Variants in SHPRH observed in about 807,000 individuals in gnomAD.
SHPRH encodes SNF2 histone linker PHD RING helicase, also known as E3 ubiquitin-protein ligase SHPRH.
Under a neutral mutation model 202.5 loss-of-function variants are expected in SHPRH, and 106 were observed. The observed-to-expected ratio is 0.52, with a 90% CI of 0.45 to 0.62. SHPRH has a LOEUF of 0.62. Ranked by LOEUF, SHPRH falls within the 20% of genes least tolerant of loss-of-function variation. The pLI, the probability that SHPRH is intolerant of heterozygous loss-of-function variation, is 0.00. For synonymous variants in SHPRH, 729 were observed against 686.0 expected, an observed-to-expected ratio of 1.06 and a Z score of -0.98; for missense variants, 1,710 against 2,020.0, an observed-to-expected ratio of 0.85 and a Z score of 2.94.
At chr6:145,913,694 A>G (rs1783697500) in intron 23 of SHPRH, 145 bp from the exon 24 acceptor site, 2 of 518,066 alleles carry the variant, frequency 3.9e-6, no homozygotes, top group South Asian at 3.2e-5. Flanking sequence ...CGATCTCTAT[A>G]TTACCTAACA....
At chr6:145,879,583 G>A (rs1448931867) in intron 2 of SHPRH, among the ~76,000 whole-genome samples, 1 of 151,948 alleles carries the variant, frequency 6.6e-6, no homozygotes, top group African/African-American at 2.4e-5. Flanking sequence ...AATCAAAACC[G>A]ATCCTATAGG....
At chr6:145,928,803 A>G (rs911634503) in intron 14 of SHPRH, among the ~76,000 whole-genome samples, 1 of 151,972 alleles carries the variant, frequency 6.6e-6, no homozygotes, top group African/African-American at 2.4e-5. Flanking sequence ...TAAAACACAC[A>G]TTATCAAAGA....
intron 2 of SHPRH, among the ~76,000 whole-genome samples, chr6:145,873,381 A>G (rs964835295): frequency 6.6e-6 from 1 of 152,112 alleles, no homozygotes; most frequent in Non-Finnish European, 1.5e-5. Context: ...AAAAGGATGA[A>G]TGCCATTTAC....
At chr6:145,919,899 A>G (rs1193701872) in intron 21 of SHPRH, among the ~76,000 whole-genome samples, 1 of 152,128 alleles carries the variant, frequency 6.6e-6, no homozygotes. Context: ...GAATAATATG[A>G]ATTCCTTGGA....
chr6:145,909,858 C>T (rs1783331604), intron 25 of SHPRH: 1 of 152,056 alleles, frequency 6.6e-6, no homozygotes, highest in East Asian at 1.9e-4. Context: ...AGCAGTAAAT[C>T]CAATTACAGA....
chr6:145,883,378 G>C (rs1026894707), downstream of SHPRH: 3 of 152,196 alleles, frequency 2.0e-5, no homozygotes, highest in African/African-American at 4.8e-5. Flanking sequence ...CTGAAGACAG[G>C]GGAAGGCTGG....
At chr6:145,919,752 T>C in intron 21 of SHPRH, among the ~76,000 whole-genome samples, 1 of 152,138 alleles carries the variant, frequency 6.6e-6, no homozygotes, top group East Asian at 1.9e-4. Context: ...TAAAGTCCAG[T>C]TTTAGGCTGA....
intron 9 of SHPRH, among the ~76,000 whole-genome samples, chr6:145,942,557 A>C (rs1179229121): frequency 7.9e-5 from 12 of 152,210 alleles, no homozygotes; most frequent in Admixed American, 7.9e-4. Context: ...CATGGAAAGA[A>C]GGAAGAATGA....
Position 145,941,873 on chromosome 6 carries a change from A to G in SHPRH, c.2240T>C (p.Val747Ala), listed in dbSNP as rs201122184. The G allele has an allele frequency of 7.6e-4, 1,231 of 1,613,180 alleles. 2 individuals carry two copies. The highest frequency in any genetic ancestry group is 9.8e-4 in the Non-Finnish European group (1,161 of 1,179,574). Residue 747 changes from valine (V) to alanine (A), a missense_variant and splice_region_variant, in exon 10 of 30, where the codon GTA (valine) becomes GCA (alanine). Val to Ala is a moderately conservative substitution (Grantham distance 64). Coordinates refer to ENST00000275233, the MANE Select transcript of SHPRH (RefSeq NM_001042683.3). Reference protein sequence around the residue: ...HVRSSSLRVLVYQGVKKDGFL... With the variant: ...HVRSSSLRVLAYQGVKKDGFL... ...GCCATCTTTCTTCACTCCTTGATATACCTAGGAAATAATCAATACAGGCAG... is the reference window on the plus strand; with the variant it reads ...GCCATCTTTCTTCACTCCTTGATATGCCTAGGAAATAATCAATACAGGCAG...
chr6:145,938,769 T>C (rs920598159), intron 11 of SHPRH, among the ~76,000 whole-genome samples: 3 of 152,238 alleles, frequency 2.0e-5, no homozygotes, highest in Admixed American at 2.0e-4. Context: ...TAAGTCCGGA[T>C]GTAAACCCCA....
chr6:145,955,621 T>A (rs1474843627), intron 1 of SHPRH, among the ~76,000 whole-genome samples: 1 of 152,134 alleles, frequency 6.6e-6, no homozygotes, highest in Non-Finnish European at 1.5e-5. Flanking sequence ...TAAAATAAAT[T>A]GTAGAAATAC....
At chr6:145,878,020 G>T (rs894236893) in intron 2 of SHPRH, 1 of 152,116 alleles carries the variant, frequency 6.6e-6, no homozygotes, top group Non-Finnish European at 1.5e-5. Flanking sequence ...ACCACCTGAG[G>T]GCTGTGTCAC....
At chr6:145,952,541 A>G (rs1788085891) in intron 2 of SHPRH, 63 bp from the exon 3 acceptor site, 3 of 1,470,298 alleles carry the variant, frequency 2.0e-6, no homozygotes, top group Non-Finnish European at 2.7e-6. Context: ...TTATGAGGAC[A>G]TAAGCAAGAA....
At chr6:145,897,898 C>A (rs1030746368) in intron 25 of SHPRH, among the ~76,000 whole-genome samples, 1 of 152,044 alleles carries the variant, frequency 6.6e-6, no homozygotes, top group African/African-American at 2.4e-5. Context: ...GACAAGCCTA[C>A]CAGATAGCAT....
At chr6:145,944,504 G>A (rs1344430489) in intron 8 of SHPRH, among the ~76,000 whole-genome samples, 3 of 63,088 alleles carry the variant, frequency 4.8e-5, no homozygotes, top group East Asian at 7.4e-4. Context: ...GGCTGAGGTC[G>A]AACAGGGGAG....
At chr6:145,927,368 A>T in intron 14 of SHPRH, 91 bp from the exon 15 acceptor site, 1 of 1,126,824 alleles carries the variant, frequency 8.9e-7, no homozygotes, top group South Asian at 1.5e-5. Flanking sequence ...AATACTGTAA[A>T]AATAAAATGT....
Position 145,927,312 on chromosome 6 carries a change from G to C in SHPRH, c.3113-35C>G, listed in dbSNP as rs774243438. 4.5e-6 allele frequency: 7 copies of C among 1,569,938 alleles called. No individual in the cohort carries two copies. The East Asian group carries it at 1.4e-4, about 30-fold the overall frequency. On this transcript the variant is annotated intron_variant, in intron 14 of 29. Transcript: ENST00000275233. ...TAAAATGTATTTAAAGCATACGAGA[G>C]TCACATATTTAGTTCCCAATGTCAT... is the stretch of plus-strand genomic sequence containing the variant.
intron 3 of SHPRH, among the ~76,000 whole-genome samples, chr6:145,951,151 T>C (rs867605735): frequency 8.5e-5 from 13 of 152,096 alleles, no homozygotes; most frequent in Admixed American, 5.9e-4. Flanking sequence ...GTGGGCACAA[T>C]TGTTCTGTGG....
chr6:145,920,260 T>C (rs1383304175), intron 21 of SHPRH, among the ~76,000 whole-genome samples: 1 of 152,080 alleles, frequency 6.6e-6, no homozygotes, highest in Non-Finnish European at 1.5e-5. Flanking sequence ...AACTGCACAG[T>C]AAGCTCTCTT....
Sources: allele counts gnomAD v4.1 joint callset (sites outside exome capture counted in the v4.1 genomes callset), GRCh38; gene constraint gnomAD v4.1.1; transcripts MANE v1.5; gene names NCBI Gene and HGNC (gene_info 2026-07-23, HGNC 2026-07-21).